ADGRD1: variants seen among roughly 807,000 people sequenced by gnomAD.
ADGRD1 encodes the protein G-protein coupled receptor 133.
In ADGRD1, 77 loss-of-function variants were observed where a neutral mutation model predicts 113.4. That is an observed-to-expected ratio of 0.68 (90% CI 0.57 to 0.82). The LOEUF (loss-of-function observed/expected upper bound fraction) is 0.82. ADGRD1 is among the 40% of genes least tolerant of loss of function. The pLI is 0.00. For missense variants in ADGRD1, 1,036 were observed against 1,139.1 expected, an observed-to-expected ratio of 0.91 and a Z score of 1.30; for synonymous variants, 474 against 475.0, an observed-to-expected ratio of 1.00 and a Z score of 0.03.
Position 130,993,961 on chromosome 12 carries a change from G to C in ADGRD1, c.966+1569G>C, listed in dbSNP as rs559489187. On this transcript the variant is annotated intron_variant, in intron 8 of 24. Transcript: ENST00000261654. Reference sequence around the variant, plus strand: ...GTCGGGAGACTCCCTCCTCGTCAGGGGGAAATCTTTCCCATGGTTCCCTTT... The same window carrying C: ...GTCGGGAGACTCCCTCCTCGTCAGGCGGAAATCTTTCCCATGGTTCCCTTT... The C allele has an allele frequency of 7.9e-5, 13 of 163,538 alleles. No homozygotes were observed. The South Asian group carries it at 2.1e-3, about 26-fold the overall frequency. The allele number at this position is 163,538 out of a possible 1,614,324, so 10.1% of individuals were successfully genotyped here. A position where few individuals can be genotyped will look rare whatever the true frequency, so the allele number is the denominator to read the frequency against.
intron 13 of ADGRD1, chr12:131,023,809 T>C (rs1312868909): frequency 1.3e-5 from 2 of 152,250 alleles, no homozygotes; most frequent in African/African-American, 4.8e-5. Flanking sequence ...GCCTCTGTTC[T>C]GGAAACCCAG....
In ADGRD1 at chr12:130,984,895, TTCTC is replaced by T. The variant is rs1051350493; in HGVS notation, c.491-2189_491-2186del. Among the ~76,000 whole-genome samples, 77 of 147,438 alleles carry T rather than the reference TTCTC, an allele frequency of 5.2e-4. No homozygotes were observed. Among genetic ancestry groups the T allele is most frequent in the African/African-American group, 1.6e-3 (64 of 40,370 alleles). ...CTTCTTTCCTTCCTTCTTTCTTCTC[TTCTC>T]TCTCTCTCTCACTCTCTCTCTCCTC... On this transcript the variant is annotated intron_variant, in intron 5 of 24. Coordinates refer to ENST00000261654, the MANE Select transcript of ADGRD1 (RefSeq NM_198827.5). This position sits in a 1 kb window ranked among gnomAD's most constrained non-coding sequence, Gnocchi z 4.1.
In ADGRD1 at chr12:131,136,108, T is replaced by C; in HGVS notation, c.2339T>C (p.Val780Ala). The C allele has an allele frequency of 6.2e-7, 1 of 1,614,208 alleles. No homozygotes were observed. Among genetic ancestry groups the C allele is most frequent in the Non-Finnish European group, 8.5e-7 (1 of 1,180,040 alleles). ...TCGTGGGTCTTTGGCGTGCTTGCTG[T>C]CAACGGTTGTGCTGTGGTTTTCCAG... is the stretch of plus-strand genomic sequence containing the variant. ...GTSWVFGVLAVNGCAVVFQYM... is the reference protein window; with the variant it reads ...GTSWVFGVLAANGCAVVFQYM... Residue 780 changes from valine to alanine, a missense_variant, in exon 22 of 25, where the codon GTC (valine) becomes GCC (alanine). Physicochemically the swap from Val to Ala is moderately conservative, Grantham distance 64 (BLOSUM62 0). Coordinates refer to ENST00000261654, the MANE Select transcript of ADGRD1 (RefSeq NM_198827.5).
intron 3 of ADGRD1, chr12:130,968,977 C>A (rs533838870): frequency 6.6e-7 from 1 of 1,524,214 alleles, no homozygotes; most frequent in African/African-American, 1.4e-5. Flanking sequence ...TTTCACCCAG[C>A]GTCCCGAACC....
intron 13 of ADGRD1, among the ~76,000 whole-genome samples, chr12:131,059,507 A>T (rs1884146210): frequency 6.6e-6 from 1 of 152,142 alleles, no homozygotes; most frequent in African/African-American, 2.4e-5. Flanking sequence ...GATTTCAGTT[A>T]TTCTATTTTT....
chr12:131,047,368 T>C (rs1882942406), intron 13 of ADGRD1, among the ~76,000 whole-genome samples: 1 of 152,292 alleles, frequency 6.6e-6, no homozygotes, highest in African/African-American at 2.4e-5. Flanking sequence ...ACCTGGAGCC[T>C]GGACAATGGG....
chr12:131,065,746 G>T (rs909989142), intron 13 of ADGRD1, among the ~76,000 whole-genome samples: 2 of 151,686 alleles, frequency 1.3e-5, no homozygotes, highest in Non-Finnish European at 2.9e-5. Context: ...ATGAAGGAGA[G>T]GGGGTATTTT....
intron 13 of ADGRD1, among the ~76,000 whole-genome samples, chr12:131,020,336 C>T (rs1392676394): frequency 6.6e-6 from 1 of 152,032 alleles, no homozygotes; most frequent in Non-Finnish European, 1.5e-5. Context: ...AGGGGCAAGA[C>T]CCTGAGCTCC....
chr12:131,090,752 C>T (rs1055247208), intron 15 of ADGRD1, among the ~76,000 whole-genome samples: 9 of 152,322 alleles, frequency 5.9e-5, no homozygotes, highest in Middle Eastern at 3.4e-3. Flanking sequence ...CAGCATCTGG[C>T]GACTTCCAGT....
At chr12:131,137,650 T>G in intron 23 of ADGRD1, 1 of 222,872 alleles carries the variant, frequency 4.5e-6, no homozygotes, top group Non-Finnish European at 9.0e-6. Flanking sequence ...ACAGGCCAGG[T>G]GGGCCAAGGA....
chr12:131,073,653 G>A (rs1885350950), intron 13 of ADGRD1, among the ~76,000 whole-genome samples: 1 of 152,184 alleles, frequency 6.6e-6, no homozygotes, highest in African/African-American at 2.4e-5. Flanking sequence ...ATAAAGGAAA[G>A]AAGTTTATTT....
At chr12:131,130,773 G>T (rs1324768184) in intron 20 of ADGRD1, among the ~76,000 whole-genome samples, 1 of 149,990 alleles carries the variant, frequency 6.7e-6, no homozygotes, top group Admixed American at 6.6e-5. Flanking sequence ...AGCGAAGCTG[G>T]CCATCCCGTG....
chr12:131,074,607 C>A (rs187325983), intron 13 of ADGRD1, among the ~76,000 whole-genome samples: 33 of 152,322 alleles, frequency 2.2e-4, no homozygotes, highest in Admixed American at 2.1e-3. Flanking sequence ...CCACCACACT[C>A]CCATATCAAA....
intron 13 of ADGRD1, among the ~76,000 whole-genome samples, chr12:131,068,120 A>G (rs1052295937): frequency 1.3e-5 from 2 of 152,204 alleles, no homozygotes; most frequent in Non-Finnish European, 1.5e-5. Flanking sequence ...TGAGGCCACC[A>G]GATCGGTCAC....
Position 131,060,197 on chromosome 12 carries a change from C to T in ADGRD1, c.1474-16604C>T, listed in dbSNP as rs1047613347. Among the ~76,000 whole-genome samples the T allele has an allele frequency of 5.3e-5, 8 of 152,340 alleles. No homozygotes were observed. Among genetic ancestry groups the T allele is most frequent in the Non-Finnish European group, 1.0e-4 (7 of 68,024 alleles). On this transcript the variant is annotated intron_variant, in intron 13 of 24. Transcript: ENST00000261654. The surrounding 1 kb of genome is among the most constrained non-coding windows in gnomAD (Gnocchi z 4.4). ...TTGCTTCTCCCCATGGCTTCACACTCGGTCTTCTCCAGTGCCACCTCCCTG... is the reference window on the plus strand; with the variant it reads ...TTGCTTCTCCCCATGGCTTCACACTTGGTCTTCTCCAGTGCCACCTCCCTG...
intron 4 of ADGRD1, chr12:130,980,867 G>A (rs1593289710): frequency 6.6e-6 from 1 of 152,202 alleles, no homozygotes; most frequent in Non-Finnish European, 1.5e-5. Flanking sequence ...TTTGAGGTAT[G>A]TCCTATCTGC....
At position 131,140,489 on chromosome 12, in the gene ADGRD1, C is replaced by T. The variant is rs746263005; in HGVS notation, c.*1226C>T. 2.0e-5 allele frequency: 3 copies of T among 152,174 alleles called. No individual in the cohort carries two copies. Among genetic ancestry groups the T allele is most frequent in the Admixed American group, 2.0e-4 (3 of 15,272 alleles). 9.4% of individuals were successfully genotyped at this position (152,174 alleles called of 1,614,324 possible). On this transcript the variant is annotated 3_prime_UTR_variant, in exon 25 of 25. Coordinates refer to ENST00000261654, the MANE Select transcript of ADGRD1 (RefSeq NM_198827.5). ...TCATAGATGTGAATTAAGACACCAC[C>T]GAGATACGGGCTGTGAGGTTCATAC...
chr12:131,062,101 A>G (rs907844687), intron 13 of ADGRD1, among the ~76,000 whole-genome samples: 4 of 152,072 alleles, frequency 2.6e-5, no homozygotes, highest in African/African-American at 9.7e-5. Context: ...ATTTCAGCTC[A>G]CTGCAACCTC....
chr12:131,100,841 G>A (rs1383492497), intron 15 of ADGRD1, among the ~76,000 whole-genome samples: 1 of 152,176 alleles, frequency 6.6e-6, no homozygotes, highest in East Asian at 1.9e-4. Context: ...CACTGCATTT[G>A]CAAATAGATG....
Sources: allele counts gnomAD v4.1 joint callset (sites outside exome capture counted in the v4.1 genomes callset), GRCh38; gene constraint gnomAD v4.1.1; non-coding constraint Gnocchi (gnomAD v3.1); transcripts MANE v1.5; gene names NCBI Gene and HGNC (gene_info 2026-07-23, HGNC 2026-07-21).